The following VIT variants were observed in gnomAD, a reference collection of about 807,000 sequenced individuals.
VIT encodes the protein vitrin.
VIT carries 99 observed loss-of-function variants against 78.0 expected under a neutral mutation model. That is an observed-to-expected ratio of 1.27 (90% CI 1.08 to 1.50). The LOEUF is 1.50. VIT is among the 40% of genes most tolerant of loss of function. VIT has a pLI of 0.00. For missense variants in VIT, 1,126 were observed against 875.3 expected (o/e 1.29, Z -3.61); for synonymous variants, 374 against 334.3 (o/e 1.12, Z -1.29).
intron 3 of VIT, among the ~76,000 whole-genome samples, chr2:36,733,105 G>C (rs66773952): frequency 1.3e-5 from 2 of 152,078 alleles, no homozygotes; most frequent in Admixed American, 6.5e-5. Flanking sequence ...AATGGGAAGT[G>C]TCTTCATGTG....
rs139657931 is a variant in VIT at position 36,745,181 on chromosome 2, G to A, written c.275+1925G>A. ...ATTCTTTTCCGTCGTCTACATGTCC[G>A]GTTTTTGTACTGACACCATGTTGTT... On this transcript the variant is annotated intron_variant, in intron 4 of 15. Transcript: ENST00000379242. Among the ~76,000 whole-genome samples the A allele has an allele frequency of 1.1e-4, 16 of 152,036 alleles. 1 individual carries two copies. In the East Asian group the frequency reaches 2.1e-3, roughly 20 times the overall value.
At chr2:36,704,421 G>A (rs760919894) in intron 1 of VIT, among the ~76,000 whole-genome samples, 28 of 152,162 alleles carry the variant, frequency 1.8e-4, no homozygotes, top group Admixed American at 8.5e-4. Context: ...AACTTCCCAG[G>A]AAGAAGAGCA....
At chr2:36,795,251 C>A (rs1572554088) in intron 12 of VIT, among the ~76,000 whole-genome samples, 1 of 151,962 alleles carries the variant, frequency 6.6e-6, no homozygotes, top group African/African-American at 2.4e-5. Context: ...CTTTTGCAGT[C>A]ATTTTTTGGA....
intron 3 of VIT, among the ~76,000 whole-genome samples, chr2:36,730,023 C>T (rs751373852): frequency 3.3e-5 from 5 of 152,190 alleles, no homozygotes; most frequent in Admixed American, 6.5e-5. Flanking sequence ...AGGCCAGCGA[C>T]GGTGGCTTAT....
intron 1 of VIT, among the ~76,000 whole-genome samples, chr2:36,700,773 C>G (rs902423682): frequency 1.4e-4 from 21 of 151,920 alleles, no homozygotes; most frequent in Non-Finnish European, 2.6e-4. Context: ...ACTGCTAACA[C>G]TTCCAGAGCT....
At chr2:36,755,229 C>A (rs572460784) in intron 5 of VIT, among the ~76,000 whole-genome samples, 175 bp downstream of exon 5, 2 of 152,282 alleles carry the variant, frequency 1.3e-5, no homozygotes, top group East Asian at 3.9e-4. Flanking sequence ...TGATAAATCA[C>A]CACAAAGTCA....
intron 3 of VIT, among the ~76,000 whole-genome samples, chr2:36,740,740 C>CA (rs1318127543): frequency 6.6e-6 from 1 of 151,986 alleles, no homozygotes; most frequent in Admixed American, 6.6e-5. Context: ...AACAAGCAAA[C>CA]AAAAAACAAG....
chr2:36,774,961 T>C (rs1010643063), intron 8 of VIT, 41 bp from the exon 9 acceptor site: 1 of 1,606,772 alleles, frequency 6.2e-7, no homozygotes, highest in Non-Finnish European at 8.5e-7. Context: ...AGCAGCCTGC[T>C]GGTTGTGTGT....
chr2:36,711,562 T>A (rs1355026845), intron 1 of VIT, among the ~76,000 whole-genome samples: 1 of 152,180 alleles, frequency 6.6e-6, no homozygotes, highest in East Asian at 1.9e-4. Flanking sequence ...GAATTGTGCA[T>A]ACTCCACATC....
Position 36,814,345 on chromosome 2 carries a change from C to G in VIT, c.2066C>G (p.Ser689Ter). Residue 689 changes from serine (S) to a stop codon, truncating the protein, a stop_gained, in exon 16 of 16, where the codon TCA (serine) becomes TGA (stop). Coordinates refer to ENST00000379242, the MANE Select transcript of VIT (RefSeq NM_053276.4). LOFTEE classifies it high-confidence loss of function. The stretch of plus-strand genomic sequence containing the variant: ...CAGAACATTTGTACAGAGTTCAACT[C>G]ACAGCCTCGGAACTGAATTCAGAGC... ...IIQNICTEFN[S>*]QPRN 1 of 1,614,204 alleles carries G rather than the reference C, an allele frequency of 6.2e-7. No homozygotes were observed. The highest frequency in any genetic ancestry group is 8.5e-7 in the Non-Finnish European group (1 of 1,180,030).
At chr2:36,749,180 G>C (rs1668312512) in intron 4 of VIT, among the ~76,000 whole-genome samples, 1 of 152,188 alleles carries the variant, frequency 6.6e-6, no homozygotes, top group South Asian at 2.1e-4. Flanking sequence ...TTTTCTACCT[G>C]TATGTGCTGA....
At chr2:36,708,286 A>G (rs183840304) in intron 1 of VIT, among the ~76,000 whole-genome samples, 6 of 152,256 alleles carry the variant, frequency 3.9e-5, no homozygotes, top group Non-Finnish European at 8.8e-5. Flanking sequence ...GGCATTTTGG[A>G]AACACAGCAC....
intron 2 of VIT, among the ~76,000 whole-genome samples, chr2:36,719,936 T>A (rs1666390489): frequency 6.6e-6 from 1 of 152,026 alleles, no homozygotes; most frequent in African/African-American, 2.4e-5. Context: ...AGTGAGGCCC[T>A]GACTCACACA....
intron 1 of VIT, among the ~76,000 whole-genome samples, chr2:36,710,626 G>A (rs897248347): frequency 6.6e-5 from 10 of 152,016 alleles, no homozygotes; most frequent in Non-Finnish European, 1.0e-4. Context: ...TTCTGATGCA[G>A]TGTAATGATA....
intron 12 of VIT, among the ~76,000 whole-genome samples, chr2:36,790,056 A>C (rs1336609544): frequency 3.3e-5 from 5 of 152,206 alleles, no homozygotes; most frequent in African/African-American, 1.2e-4. Flanking sequence ...TGAAAGACAA[A>C]TTTAGAAGTT....
rs576727305 is a variant in VIT at position 36,765,144 on chromosome 2, C to A, written c.488-1950C>A. Reference sequence around the variant, plus strand: ...TAAATTAAGGATCCTGAGATCGTGACGGGGCGGTTATTCTGGATTCCCCAG... The same window carrying A: ...TAAATTAAGGATCCTGAGATCGTGAAGGGGCGGTTATTCTGGATTCCCCAG... On this transcript the variant is annotated intron_variant, in intron 6 of 15. Coordinates refer to ENST00000379242, the MANE Select transcript of VIT (RefSeq NM_053276.4). 3.3e-5 allele frequency among the ~76,000 whole-genome samples: 5 copies of A among 152,176 alleles called. No individual in the cohort carries two copies. In the South Asian group the frequency reaches 8.3e-4, roughly 25 times the overall value.
At chr2:36,791,789 C>A in intron 12 of VIT, among the ~76,000 whole-genome samples, 1 of 152,206 alleles carries the variant, frequency 6.6e-6, no homozygotes, top group East Asian at 1.9e-4. Context: ...GCCATGGAGA[C>A]CCACGTCGGA....
At chr2:36,726,824 A>G (rs1666879585) in intron 2 of VIT, among the ~76,000 whole-genome samples, 1 of 142,924 alleles carries the variant, frequency 7.0e-6, no homozygotes, top group African/African-American at 2.6e-5. Flanking sequence ...GTCTCAAAAA[A>G]AAAAAAAAAA....
chr2:36,786,300 C>T (rs770412055), intron 11 of VIT, among the ~76,000 whole-genome samples: 21 of 152,118 alleles, frequency 1.4e-4, no homozygotes, highest in Non-Finnish European at 2.2e-4. Flanking sequence ...CTCTGATCAG[C>T]ACTGAATAGT....
Sources: allele counts gnomAD v4.1 joint callset (sites outside exome capture counted in the v4.1 genomes callset), GRCh38; gene constraint gnomAD v4.1.1; transcripts MANE v1.5; gene names NCBI Gene and HGNC (gene_info 2026-07-23, HGNC 2026-07-21).